ASB5: variants seen among roughly 807,000 people sequenced by gnomAD.
ASB5 encodes ankyrin repeat and SOCS box protein 5.
In ASB5, 45 loss-of-function variants were observed where a neutral mutation model predicts 42.1. The ratio of observed to expected loss-of-function variants is 1.07; its 90% CI spans 0.84 to 1.37. The LOEUF is 1.37. Ranked by LOEUF, ASB5 falls within the 40% of genes most tolerant of loss-of-function variation. The pLI is 0.00. For missense variants in ASB5, 402 were observed against 399.8 expected, an observed-to-expected ratio of 1.01 and a Z score of -0.05; for synonymous variants, 147 against 150.6, an observed-to-expected ratio of 0.98 and a Z score of 0.18.
At chr4:176,265,838 A>G (rs1348852217) in intron 1 of ASB5, among the ~76,000 whole-genome samples, 1 of 152,192 alleles carries the variant, frequency 6.6e-6, no homozygotes, top group Non-Finnish European at 1.5e-5. Flanking sequence ...TGATACATAA[A>G]GATTGTAATC....
chr4:176,241,114 A>G (rs1179422981), intron 1 of ASB5, among the ~76,000 whole-genome samples: 1 of 152,212 alleles, frequency 6.6e-6, no homozygotes, highest in Non-Finnish European at 1.5e-5. Context: ...TATTATCTCC[A>G]AACGATGAGT....
chr4:176,229,434 A>G (rs979387318), intron 1 of ASB5, among the ~76,000 whole-genome samples: 5 of 152,132 alleles, frequency 3.3e-5, no homozygotes, highest in Admixed American at 2.6e-4. Flanking sequence ...TTGCATACTA[A>G]TGTGTTTGTT....
intron 1 of ASB5, among the ~76,000 whole-genome samples, chr4:176,242,941 C>T (rs781128990): frequency 6.6e-6 from 1 of 152,106 alleles, no homozygotes; most frequent in Non-Finnish European, 1.5e-5. Flanking sequence ...CCAACTATGG[C>T]TCATAGGCCA....
intron 5 of ASB5, among the ~76,000 whole-genome samples, chr4:176,217,685 C>T (rs6553934): frequency 0.38 from 57,804 of 151,866 alleles, 11,298 homozygotes; most frequent in Non-Finnish European, 0.43. Flanking sequence ...ACCTATTGCA[C>T]ACTTACTTTA....
chr4:176,262,399 A>G (rs1177851086), intron 1 of ASB5, among the ~76,000 whole-genome samples: 2 of 152,230 alleles, frequency 1.3e-5, no homozygotes, highest in Non-Finnish European at 1.5e-5. Context: ...CAAATTGAGA[A>G]GTGAAAAAGT....
chr4:176,223,754 T>A (rs1753290410), intron 2 of ASB5, among the ~76,000 whole-genome samples: 1 of 152,150 alleles, frequency 6.6e-6, no homozygotes, highest in Admixed American at 6.5e-5. Context: ...CAGAAGCACC[T>A]GAGAAGGCCA....
chr4:176,251,510 C>T (rs1203971527), intron 1 of ASB5, among the ~76,000 whole-genome samples: 3 of 59,592 alleles, frequency 5.0e-5, no homozygotes, highest in Admixed American at 2.2e-4. Flanking sequence ...TGCAGTGAGC[C>T]GAGATCCCGC....
intron 1 of ASB5, among the ~76,000 whole-genome samples, chr4:176,230,432 C>T (rs1753506211): frequency 6.6e-6 from 1 of 152,250 alleles, no homozygotes; most frequent in African/African-American, 2.4e-5. Context: ...AAATGAAGCT[C>T]TATCAATCTA....
chr4:176,259,888 C>T (rs758057965), intron 1 of ASB5, among the ~76,000 whole-genome samples: 25 of 152,180 alleles, frequency 1.6e-4, no homozygotes, highest in Middle Eastern at 3.4e-3. Flanking sequence ...CAGTGGGTAC[C>T]GGTGGCATGG....
intron 1 of ASB5, among the ~76,000 whole-genome samples, chr4:176,243,142 C>T (rs1240355050): frequency 2.6e-5 from 4 of 152,074 alleles, no homozygotes; most frequent in Non-Finnish European, 5.9e-5. Context: ...GTGTGCCAAC[C>T]TCTGGACTTT....
At chr4:176,240,286 A>G (rs1362345234) in intron 1 of ASB5, among the ~76,000 whole-genome samples, 1 of 152,224 alleles carries the variant, frequency 6.6e-6, no homozygotes, top group African/African-American at 2.4e-5. Flanking sequence ...ATGATGGTCT[A>G]ACGTTACTAC....
chr4:176,240,986 C>T (rs1391981895), intron 1 of ASB5, among the ~76,000 whole-genome samples: 3 of 152,164 alleles, frequency 2.0e-5, no homozygotes, highest in Admixed American at 2.0e-4. Flanking sequence ...ACAGTGTCAA[C>T]AATTATCAAC....
rs1470053834 is a variant in ASB5, at chr4:176,230,687, C to T, written c.197-5346G>A. ...TTCAAAATCCGAAATTTAGCAACTA[C>T]GTATTTCTATTCAAACATATTTAAT... On this transcript the variant is annotated intron_variant, in intron 1 of 6. Coordinates refer to ENST00000296525, the MANE Select transcript of ASB5 (RefSeq NM_080874.4). Among the ~76,000 whole-genome samples the T allele has an allele frequency of 4.6e-5, 7 of 152,232 alleles. No individual in the cohort carries two copies. In the South Asian group the frequency reaches 1.0e-3, roughly 23 times the overall value.
intron 2 of ASB5, among the ~76,000 whole-genome samples, chr4:176,274,704 G>A (rs1019543731): frequency 6.6e-6 from 1 of 152,164 alleles, no homozygotes; most frequent in Non-Finnish European, 1.5e-5. Flanking sequence ...AGTGGAGTAT[G>A]TCACTGGGCC....
chr4:176,228,181 TAGTC>T (rs1241187515), intron 1 of ASB5, among the ~76,000 whole-genome samples: 3 of 152,196 alleles, frequency 2.0e-5, no homozygotes, highest in Admixed American at 6.5e-5. Context: ...GTTTCTTAGA[TAGTC>T]AGGGAATTTC....
At chr4:176,256,360 G>A (rs1754157211) in intron 1 of ASB5, among the ~76,000 whole-genome samples, 1 of 152,138 alleles carries the variant, frequency 6.6e-6, no homozygotes, top group Non-Finnish European at 1.5e-5. Flanking sequence ...CATTCTTTGT[G>A]TTTTATTATT....
At chr4:176,251,564 T>TAA (rs34392287) in intron 1 of ASB5, among the ~76,000 whole-genome samples, 256 of 10,368 alleles carry the variant, frequency 0.025, 51 homozygotes, top group East Asian at 0.063. Context: ...TCTGTCTCAT[T>TAA]AAAAAAAAAA....
At chr4:176,232,416 T>G (rs1418982886) in intron 1 of ASB5, among the ~76,000 whole-genome samples, 1 of 152,060 alleles carries the variant, frequency 6.6e-6, no homozygotes, top group Non-Finnish European at 1.5e-5. Context: ...CCACCGAGCC[T>G]GGCCCCTGTA....
chr4:176,218,356 T>A (rs1263058807), intron 5 of ASB5, among the ~76,000 whole-genome samples: 1 of 100,738 alleles, frequency 9.9e-6, no homozygotes, highest in South Asian at 2.8e-4. Flanking sequence ...AAATATATAT[T>A]TGTATGATAT....
Sources: allele counts gnomAD v4.1 joint callset (sites outside exome capture counted in the v4.1 genomes callset), GRCh38; gene constraint gnomAD v4.1.1; transcripts MANE v1.5; gene names NCBI Gene and HGNC (gene_info 2026-07-23, HGNC 2026-07-21).